MYH6: variants seen among roughly 807,000 people sequenced by gnomAD.
MYH6 encodes the protein myosin heavy chain 6.
A neutral mutation model predicts 223.2 loss-of-function variants in MYH6; 126 were observed. The ratio of observed to expected loss-of-function variants is 0.56; its 90% CI spans 0.49 to 0.65. The LOEUF (loss-of-function observed/expected upper bound fraction) is 0.65, where lower values mean the gene tolerates loss of function less well. Among genes scored for constraint, MYH6 ranks in the 30% least tolerant of loss-of-function variants. The pLI is 0.00. For missense variants in MYH6, 2,040 were observed against 2,536.4 expected, an observed-to-expected ratio of 0.80 and a Z score of 4.20; for synonymous variants, 978 against 1,010.2, an observed-to-expected ratio of 0.97 and a Z score of 0.61.
chr14:23,392,589 T>C lies in MYH6; in HGVS notation c.3315A>G (p.Gln1105=), dbSNP rs1595055375. The C allele has an allele frequency of 6.2e-7, 1 of 1,612,884 alleles. No homozygotes were observed. The change falls in exon 25 of 39, where the codon CAA becomes CAG. Residue 1105 remains glutamine (Q), a synonymous_variant. Coordinates refer to ENST00000405093, the MANE Select transcript of MYH6 (RefSeq NM_002471.4). ...KIEDEQVLAL[Q]LQKKLKENQA... ...GGTTTTCCTTCAGTTTCTTCTGTAG[T>C]TGAAGGGCCAGCACCTGCTCATCCT...
rs930039497 is a variant in MYH6, at chr14:23,389,721, T to A, written c.3733-2A>T. The A allele has an allele frequency of 6.2e-7, 1 of 1,613,952 alleles. No individual in the cohort carries two copies. Among genetic ancestry groups the A allele is most frequent in the Admixed American group, 1.7e-5 (1 of 60,006 alleles). On this transcript the variant is annotated splice_acceptor_variant, in intron 26 of 38. Coordinates refer to ENST00000405093, the MANE Select transcript of MYH6 (RefSeq NM_002471.4). LOFTEE classifies it high-confidence loss of function. Reference sequence around the variant, plus strand: ...CCGAGACACTTTCTCCAGGTTTGCCTTCAGGAAGCAAGACAGGAAGGGTGA... The same window carrying A: ...CCGAGACACTTTCTCCAGGTTTGCCATCAGGAAGCAAGACAGGAAGGGTGA...
At chr14:23,392,721 T>C (rs1338275656) in intron 24 of MYH6, 69 bp from the exon 25 acceptor site, 1 of 1,463,236 alleles carries the variant, frequency 6.8e-7, no homozygotes, top group East Asian at 2.3e-5. Flanking sequence ...ATTCTCTTCT[T>C]GGCCTTAGTA....
chr14:23,389,482 C>G lies in MYH6; in HGVS notation c.3889G>C (p.Glu1297Gln). The G allele has an allele frequency of 6.2e-7, 1 of 1,614,148 alleles. No homozygotes were observed. The highest frequency in any genetic ancestry group is 8.5e-7 in the Non-Finnish European group (1 of 1,180,034). Residue 1297 changes from glutamate (E) to glutamine (Q), a missense_variant, in exon 28 of 39, where the codon GAG becomes CAG. Physicochemically the swap from Glu to Gln is conservative, Grantham distance 29. This residue lies in a region of MYH6 where 1,203 missense variants were observed against 1,400.2 expected (regional missense o/e 0.86). Transcript: ENST00000405093. The part of the protein sequence containing the change: ...GELARQLEEK[E>Q]ALISQLTRGK... ...CGGGTCAGCTGCGAGATTAGCGCCT[C>G]CTTTTCCTCTAGCTGCCGGGCCAAC... is the stretch of plus-strand genomic sequence containing the variant.
At chr14:23,394,008 G>T in intron 21 of MYH6, 60 bp downstream of exon 21, 1 of 1,613,752 alleles carries the variant, frequency 6.2e-7, no homozygotes, top group African/African-American at 1.3e-5. Context: ...CTGGTTGTGA[G>T]ATGGGCTATA....
chr14:23,386,666 C>T (rs1200648305), intron 32 of MYH6, 43 bp from the exon 33 acceptor site: 1 of 1,577,504 alleles, frequency 6.3e-7, no homozygotes, highest in Admixed American at 1.7e-5. Flanking sequence ...GGGCACAGGG[C>T]AGGGTTGAGA....
In MYH6 at chr14:23,386,436, A is replaced by G. The variant is rs61742476; in HGVS notation, c.4838T>C (p.Val1613Ala). ...TTCCATCTTCTTCTTCACCCTCAGG[A>G]CCTCGTTGCGGCTGCGTGTCTCTGC... ...LDAETRSRNE[V>A]LRVKKKMEGD... The change falls in exon 33 of 39, where the codon GTC (valine) becomes GCC (alanine). Residue 1613 changes from valine to alanine, a missense_variant. Around this residue, in one of 4 missense-constraint regions of MYH6, gnomAD observed 1,203 missense variants for 1,400.2 expected, o/e 0.86. Coordinates refer to ENST00000405093, the MANE Select transcript of MYH6 (RefSeq NM_002471.4). 16,740 of 1,612,612 alleles carry G rather than the reference A, an allele frequency of 0.01. 600 individuals carry two copies. The African/African-American group carries it at 0.12, about 11-fold the overall frequency.
In MYH6 at chr14:23,390,363, A is replaced by G; in HGVS notation, c.3426T>C (p.Ser1142=). The G allele has an allele frequency of 6.2e-7, 1 of 1,608,034 alleles. No individual in the cohort carries two copies. Among genetic ancestry groups the G allele is most frequent in the Non-Finnish European group, 8.5e-7 (1 of 1,179,018 alleles). ...AKVEKLRSDL[S]RELEEISERL... is the part of the protein sequence containing the mutation. ...GCTCGCTGATCTCCTCCAGCTCCCG[A>G]GACAGGTCTGAGCGCAGCTTCTCCA... The change falls in exon 26 of 39, where the codon TCT becomes TCC. Residue 1142 remains serine (S), a synonymous_variant. Transcript: ENST00000405093.
chr14:23,382,184 A>G, intron 38 of MYH6, 121 bp from the exon 39 acceptor site: 1 of 1,176,640 alleles, frequency 8.5e-7, no homozygotes, highest in Non-Finnish European at 1.3e-6. Context: ...GCAGGGCCCC[A>G]GGGATCCTGT....
In MYH6 at chr14:23,389,656, C is replaced by T; in HGVS notation, c.3796G>A (p.Glu1266Lys). ...DQANEYRVKLEEAQRSLNDFT... is the reference protein window; with the variant it reads ...DQANEYRVKLKEAQRSLNDFT... ...TCATTGAGGGAGCGTTGGGCCTCTT[C>T]TAGCTTCACGCGGTACTCATTGGCC... The change falls in exon 27 of 39, where the codon GAA becomes AAA. Residue 1266 changes from glutamate (E) to lysine (K), a missense_variant. Coordinates refer to ENST00000405093, the MANE Select transcript of MYH6 (RefSeq NM_002471.4). 6.2e-7 allele frequency: 1 copy of T among 1,614,186 alleles called. No homozygotes were observed. The highest frequency in any genetic ancestry group is 1.3e-5 in the African/African-American group (1 of 75,052).
In MYH6 at chr14:23,393,719, G is replaced by C. The variant is rs563126625; in HGVS notation, c.2875C>G (p.Leu959Val). Residue 959 changes from leucine to valine, a missense_variant, in exon 22 of 39, where the codon CTG becomes GTG. This residue lies in a region of MYH6 where 1,203 missense variants were observed against 1,400.2 expected (regional missense o/e 0.86). Transcript: ENST00000405093. ...TCCACCTTGGCCAGTGTCAGCTCCA[G>C]GTCATCAATGTCCTTCTTGAGCTCT... ...CSELKKDIDD[L>V]ELTLAKVEKE... The C allele has an allele frequency of 1.2e-5, 20 of 1,614,178 alleles. No individual in the cohort carries two copies. Among genetic ancestry groups the C allele is most frequent in the Non-Finnish European group, 1.7e-5 (20 of 1,180,042 alleles).
rs752889514 is a variant in MYH6 at position 23,405,150 on chromosome 14, C to A, written c.503-23G>T. 15 of 1,613,998 alleles carry A rather than the reference C, an allele frequency of 9.3e-6. No homozygotes were observed. The highest frequency in any genetic ancestry group is 1.3e-5 in the African/African-American group (1 of 75,034). On this transcript the variant is annotated intron_variant, in intron 5 of 38. Transcript: ENST00000405093. The surrounding 1 kb of genome is among the most constrained non-coding windows in gnomAD (Gnocchi z 4.7). ...GATCTGGAAGAAAAAAGAGGAGAAG[C>A]AATGGGGTCAGGGCTGAGGATCTGG...
At position 23,390,310 on chromosome 14, in the gene MYH6, G is replaced by A; in HGVS notation, c.3479C>T (p.Ser1160Phe). Reference sequence around the variant, plus strand: ...CTTCTTGTTCATCTCGATCTGCACGGACGTGGCCCCGCCGGCCTCTTCCAG... The same window carrying A: ...CTTCTTGTTCATCTCGATCTGCACGAACGTGGCCCCGCCGGCCTCTTCCAG... ...ERLEEAGGATSVQIEMNKKRE... is the reference protein window; with the variant it reads ...ERLEEAGGATFVQIEMNKKRE... Residue 1160 changes from serine to phenylalanine, a missense_variant, in exon 26 of 39, where the codon TCC (serine) becomes TTC (phenylalanine). Physicochemically the swap from Ser to Phe is radical, Grantham distance 155. Around this residue, in one of 4 missense-constraint regions of MYH6, gnomAD observed 1,203 missense variants for 1,400.2 expected, o/e 0.86. Transcript: ENST00000405093. 6.2e-7 allele frequency: 1 copy of A among 1,606,610 alleles called. No individual in the cohort carries two copies. The highest frequency in any genetic ancestry group is 1.3e-5 in the African/African-American group (1 of 74,566).
In MYH6 at chr14:23,397,058, G is replaced by C; in HGVS notation, c.2073C>G (p.Val691=). The C allele has an allele frequency of 6.2e-7, 1 of 1,614,222 alleles. No individual in the cohort carries two copies. Among genetic ancestry groups the C allele is most frequent in the Non-Finnish European group, 8.5e-7 (1 of 1,180,038 alleles). ...KAPGVMDNPL[V]MHQLRCNGVL... is the part of the protein sequence containing the mutation. ...CGCCATTGCAGCGCAGCTGGTGCAT[G>C]ACCAGGGGGTTGTCCATCACCCCTG... The change falls in exon 18 of 39, where the codon GTC becomes GTG. Residue 691 remains valine, a synonymous_variant. Coordinates refer to ENST00000405093, the MANE Select transcript of MYH6 (RefSeq NM_002471.4).
chr14:23,397,946 C>CTTCTTT (rs1566512392), intron 15 of MYH6, among the ~76,000 whole-genome samples: 8 of 67,392 alleles, frequency 1.2e-4, no homozygotes, highest in Admixed American at 6.3e-4. Flanking sequence ...TCTTCTTCTT[C>CTTCTTT]TTCTTCTTCT....
In MYH6 at chr14:23,407,806, T is replaced by C. The variant is rs899933261; in HGVS notation, c.-46-198A>G. On this transcript the variant is annotated intron_variant, in intron 1 of 38. Transcript: ENST00000405093. The surrounding 1 kb of genome is among the most constrained non-coding windows in gnomAD (Gnocchi z 5.6). ...AGAAAGGGCACCGAGTCAATATGAG[T>C]GCGAGGGACGGGGTGTGGAAACAGG... 1.3e-5 allele frequency among the ~76,000 whole-genome samples: 2 copies of C among 151,244 alleles called. No individual in the cohort carries two copies. Among genetic ancestry groups the C allele is most frequent in the African/African-American group, 4.9e-5 (2 of 41,096 alleles).
chr14:23,383,076 G>T, intron 37 of MYH6, 149 bp downstream of exon 37: 2 of 764,428 alleles, frequency 2.6e-6, no homozygotes, highest in Non-Finnish European at 2.3e-6. Flanking sequence ...ACACCTGACA[G>T]CTCTGAGCAT....
rs371067114 is a variant in MYH6, at chr14:23,386,551, C to T, written c.4723G>A (p.Glu1575Lys). The T allele has an allele frequency of 1.4e-5, 22 of 1,613,958 alleles. No individual in the cohort carries two copies. Among genetic ancestry groups the T allele is most frequent in the East Asian group, 1.3e-4 (6 of 44,848 alleles). ...TCGTCCTTCTCTGCCAGCTTCCGCT[C>T]GATCTCTGCCTTGATCTGGTTGAAC... is the stretch of plus-strand genomic sequence containing the variant. ...LEFNQIKAEIERKLAEKDEEM... is the reference protein window; with the variant it reads ...LEFNQIKAEIKRKLAEKDEEM... Residue 1575 changes from glutamate to lysine, a missense_variant, in exon 33 of 39, where the codon GAG becomes AAG. Glu to Lys is a moderately conservative substitution (Grantham distance 56). Transcript: ENST00000405093.
chr14:23,388,999 C>A lies in MYH6; in HGVS notation c.4035G>T (p.Leu1345=), dbSNP rs1220327654. 5 of 1,613,456 alleles carry A rather than the reference C, an allele frequency of 3.1e-6. No homozygotes were observed. The highest frequency in any genetic ancestry group is 3.4e-6 in the Non-Finnish European group (4 of 1,179,914). The change falls in exon 29 of 39, where the codon CTG becomes CTT. Residue 1345 remains leucine, a synonymous_variant. Transcript: ENST00000405093. ...CTGTCTCCTCCTCGTACTGCTCCCGCAGCAGGTCGCAGTCATGCCGGGCCG... is the reference window on the plus strand; with the variant it reads ...CTGTCTCCTCCTCGTACTGCTCCCGAAGCAGGTCGCAGTCATGCCGGGCCG... ...LQSARHDCDL[L]REQYEEETEA... is the part of the protein sequence containing the mutation.
At position 23,388,320 on chromosome 14, in the gene MYH6, C is replaced by G; in HGVS notation, c.4194G>C (p.Arg1398=). Residue 1398 remains arginine (R), a synonymous_variant, in exon 30 of 39, where the codon CGG becomes CGC. Coordinates refer to ENST00000405093, the MANE Select transcript of MYH6 (RefSeq NM_002471.4). The part of the protein sequence containing the change: ...LEEAKKKLAQ[R]LQDAEEAVEA... ...CCACGGCCTCCTCGGCATCCTGCAG[C>G]CGCTGGGCCAGCTTCTTTCTGCCCA... The G allele has an allele frequency of 6.2e-7, 1 of 1,613,256 alleles. No homozygotes were observed. The highest frequency in any genetic ancestry group is 8.5e-7 in the Non-Finnish European group (1 of 1,180,042).
Sources: gnomAD v4.1 joint callset for allele counts (sites outside exome capture counted in the v4.1 genomes callset) on GRCh38, gnomAD v4.1.1 for gene constraint, gnomAD v4.1.1 regional missense constraint, Gnocchi (gnomAD v3.1) non-coding constraint, MANE v1.5 for transcripts, NCBI Gene and HGNC (gene_info 2026-07-23, HGNC 2026-07-21) for gene names.